Variants in HDAC9 observed in about 807,000 individuals in gnomAD.
HDAC9 encodes MEF-2 interacting transcription repressor (MITR) protein.
Under a neutral mutation model 139.4 loss-of-function variants are expected in HDAC9, and 41 were observed. The observed-to-expected ratio is 0.29, with a 90% CI of 0.23 to 0.38. The LOEUF (loss-of-function observed/expected upper bound fraction) is 0.38. Ranked by LOEUF, HDAC9 falls within the 10% of genes least tolerant of loss-of-function variation. The probability of loss-of-function intolerance (pLI) is 1.00; values close to 1 mark genes in which losing one functional copy is unlikely to be tolerated. For missense variants in HDAC9, 1,147 were observed against 1,297.0 expected, an observed-to-expected ratio of 0.88 and a Z score of 1.78; for synonymous variants, 517 against 476.2, an observed-to-expected ratio of 1.09 and a Z score of -1.12.
rs78990386 is a variant in HDAC9, at chr7:18,867,792, A to G, written c.2685-6686A>G. On this transcript the variant is annotated intron_variant, in intron 21 of 25. Transcript: ENST00000686413. ...TTTCTTGGGTCTCTCAGGGACTCCT[A>G]TTATTTAAATATAGGACTTCTGCAA... Among the ~76,000 whole-genome samples, 72 of 152,182 alleles carry G rather than the reference A, an allele frequency of 4.7e-4. No homozygotes were observed. In the East Asian group the frequency reaches 0.013, roughly 28 times the overall value.
intron 2 of HDAC9, among the ~76,000 whole-genome samples, chr7:18,165,813 A>G (rs917060018): frequency 1.3e-5 from 2 of 150,892 alleles, no homozygotes; most frequent in Non-Finnish European, 3.0e-5. Flanking sequence ...AAAAAAAAAA[A>G]GAAAGAAAGA....
chr7:18,162,168 C>A, intron 1 of HDAC9: 1 of 650,968 alleles, frequency 1.5e-6, no homozygotes, highest in Middle Eastern at 2.5e-4. Context: ...CTCTGTGTTT[C>A]TTTTTCAGTG....
chr7:18,451,429 ATGTG>A lies in HDAC9; in HGVS notation c.-41-44817_-41-44814del, dbSNP rs1193822580. On this transcript the variant is annotated intron_variant, in intron 1 of 3. Coordinates refer to the HDAC9 transcript ENST00000413509. ...TATATGTGTGTGTGTGTGTATATATATGTGTGTGTGTGTGTGTGTATATGTATAT... is the reference window on the plus strand; with the variant it reads ...TATATGTGTGTGTGTGTGTATATATATGTGTGTGTGTGTGTATATGTATAT... Among the ~76,000 whole-genome samples, 45 of 137,724 alleles carry A rather than the reference ATGTG, an allele frequency of 3.3e-4. 1 individual carries two copies. Among genetic ancestry groups the A allele is most frequent in the Admixed American group, 8.0e-4 (11 of 13,804 alleles). 90.4% of individuals were successfully genotyped at this position (137,724 alleles called of 152,430 possible). A position where few individuals can be genotyped will look rare whatever the true frequency, so the allele number is the denominator to read the frequency against.
chr7:18,904,354 G>T (rs1802006667), intron 22 of HDAC9, among the ~76,000 whole-genome samples: 1 of 152,100 alleles, frequency 6.6e-6, no homozygotes, highest in South Asian at 2.1e-4. Context: ...GATGATCAGG[G>T]TGCTGCGTTG....
Position 18,824,675 on chromosome 7 carries a change from A to G in HDAC9, c.2323-4486A>G, listed in dbSNP as rs190761685. 2.6e-4 allele frequency among the ~76,000 whole-genome samples: 40 copies of G among 152,258 alleles called. 1 individual carries two copies. The highest frequency in any genetic ancestry group is 2.4e-3 in the Admixed American group (36 of 15,300). ...ACTGAGAAATCAGGATATTGAATGGATTGTGTGCATGTTGGAATCATATAG... is the reference window on the plus strand; with the variant it reads ...ACTGAGAAATCAGGATATTGAATGGGTTGTGTGCATGTTGGAATCATATAG... On this transcript the variant is annotated intron_variant, in intron 17 of 25. Coordinates refer to ENST00000686413, the MANE Select transcript of HDAC9 (RefSeq NM_178425.4).
At chr7:18,345,650 T>G (rs928984367) in intron 1 of HDAC9, among the ~76,000 whole-genome samples, 3 of 151,744 alleles carry the variant, frequency 2.0e-5, no homozygotes, top group Non-Finnish European at 4.4e-5. Flanking sequence ...GGAACATACA[T>G]AGAAAGAGGT....
intron 21 of HDAC9, among the ~76,000 whole-genome samples, chr7:18,857,223 G>A (rs35041323): frequency 0.051 from 7,754 of 150,608 alleles, 268 homozygotes; most frequent in Non-Finnish European, 0.075. Context: ...TAACTGTGTT[G>A]CAGCACATAA....
At chr7:18,851,401 C>G (rs1277629077) in intron 21 of HDAC9, 1 of 152,434 alleles carries the variant, frequency 6.6e-6, no homozygotes, top group Non-Finnish European at 1.5e-5. Flanking sequence ...CTCTGTGTCT[C>G]CTGCTGCCGT....
rs116460726 is a variant in HDAC9 at position 18,830,419 on chromosome 7, T to C, written c.2466+871T>C. 2.5e-3 allele frequency among the ~76,000 whole-genome samples: 376 copies of C among 152,328 alleles called. 1 individual carries two copies. The highest frequency in any genetic ancestry group is 8.5e-3 in the African/African-American group (353 of 41,580). On this transcript the variant is annotated intron_variant, in intron 19 of 25. Transcript: ENST00000686413. The stretch of plus-strand genomic sequence containing the variant: ...GCACTTAATTAATTTTTGCAGGTGA[T>C]AAAAGATTTAAAGGCAAAATATGCT...
intron 25 of HDAC9, among the ~76,000 whole-genome samples, chr7:18,993,344 CTATTT>C (rs1275889325): frequency 6.6e-6 from 1 of 152,184 alleles, no homozygotes; most frequent in Admixed American, 6.5e-5. Context: ...ATTATTATTT[CTATTT>C]TAAAGATAAA....
intron 1 of HDAC9, among the ~76,000 whole-genome samples, chr7:18,430,050 C>A (rs1241063721): frequency 1.3e-5 from 2 of 152,114 alleles, no homozygotes; most frequent in African/African-American, 2.4e-5. Flanking sequence ...TAAAGAATAT[C>A]ATCCTTTTTT....
intron 1 of HDAC9, among the ~76,000 whole-genome samples, chr7:18,146,505 A>G (rs1048499516): frequency 3.9e-5 from 6 of 152,152 alleles, no homozygotes; most frequent in African/African-American, 1.4e-4. Context: ...CAGCATAGGT[A>G]TTAAGTTATG....
At chr7:18,989,354 T>C (rs976428058) in intron 25 of HDAC9, among the ~76,000 whole-genome samples, 9 of 151,658 alleles carry the variant, frequency 5.9e-5, no homozygotes, top group Non-Finnish European at 8.8e-5. Context: ...AAATTCTGGG[T>C]TGAAAATTCT....
At chr7:18,190,537 A>G (rs1306814207) in intron 2 of HDAC9, among the ~76,000 whole-genome samples, 1 of 152,210 alleles carries the variant, frequency 6.6e-6, no homozygotes, top group Non-Finnish European at 1.5e-5. Context: ...ACTGGCTTAT[A>G]AAAAGACCAC....
chr7:18,975,141 T>C (rs771933733), intron 24 of HDAC9, among the ~76,000 whole-genome samples: 12 of 152,202 alleles, frequency 7.9e-5, no homozygotes, highest in Admixed American at 3.3e-4. Flanking sequence ...GACCTTCTAT[T>C]TTCCTCTCTT....
chr7:18,108,724 C>A (rs756852111), intron 1 of HDAC9, among the ~76,000 whole-genome samples: 1 of 150,556 alleles, frequency 6.6e-6, no homozygotes, highest in Non-Finnish European at 1.5e-5. Context: ...CAGATTCAAG[C>A]GATTCTCCTG....
chr7:18,875,970 C>A (rs1284034684), intron 22 of HDAC9, among the ~76,000 whole-genome samples: 2 of 152,128 alleles, frequency 1.3e-5, no homozygotes, highest in African/African-American at 4.8e-5. Flanking sequence ...ATCCAAGAAT[C>A]TCACTCAGAA....
intron 1 of HDAC9, among the ~76,000 whole-genome samples, chr7:18,336,694 T>A (rs1302877579): frequency 2.0e-5 from 3 of 151,600 alleles, no homozygotes. Context: ...TAATTTCATG[T>A]TTTATAAGAT....
intron 6 of HDAC9, among the ~76,000 whole-genome samples, chr7:18,628,912 G>A (rs1781485253): frequency 6.6e-6 from 1 of 152,032 alleles, no homozygotes; most frequent in African/African-American, 2.4e-5. Flanking sequence ...ATTACCACAA[G>A]CCAGGTCAGA....
Sources: gnomAD v4.1 joint callset for allele counts (sites outside exome capture counted in the v4.1 genomes callset) on GRCh38, gnomAD v4.1.1 for gene constraint, MANE v1.5 for transcripts, NCBI Gene and HGNC (gene_info 2026-07-23, HGNC 2026-07-21) for gene names.